The following CCDC170 variants were observed in gnomAD, a reference collection of about 807,000 sequenced individuals.
CCDC170 encodes the protein coiled-coil domain-containing protein 170.
In CCDC170, 69 loss-of-function variants were observed where a neutral mutation model predicts 72.6. The ratio of observed to expected loss-of-function variants is 0.95; its 90% CI spans 0.78 to 1.16. The LOEUF (loss-of-function observed/expected upper bound fraction) is 1.16, where lower values mean the gene tolerates loss of function less well. CCDC170 is among the 50% of genes most tolerant of loss of function. The pLI, the probability that CCDC170 is intolerant of heterozygous loss-of-function variation, is 0.00. For synonymous variants in CCDC170, 300 were observed against 303.9 expected (o/e 0.99, Z 0.13); for missense variants, 852 against 832.5 (o/e 1.02, Z -0.29).
rs1230499643 is a variant in CCDC170 at position 151,538,223 on chromosome 6, C to T, written c.365C>T (p.Thr122Ile). The T allele has an allele frequency of 1.9e-6, 3 of 1,613,724 alleles. No homozygotes were observed. The highest frequency in any genetic ancestry group is 1.7e-6 in the Non-Finnish European group (2 of 1,179,734). ...SAALSTSKIRTEITAHAAIKE... is the reference protein window; with the variant it reads ...SAALSTSKIRIEITAHAAIKE... The stretch of plus-strand genomic sequence containing the variant: ...GCACTTTCCACTTCTAAAATCAGAA[C>T]AGAAATCACAGCTCACGCTGCAATC... Residue 122 changes from threonine to isoleucine, a missense_variant, in exon 3 of 11, where the codon ACA (threonine) becomes ATA (isoleucine). Thr to Ile is a moderately conservative substitution (Grantham distance 89). Coordinates refer to ENST00000239374, the MANE Select transcript of CCDC170 (RefSeq NM_025059.4).
At chr6:151,565,399 G>A (rs531003939) in intron 5 of CCDC170, among the ~76,000 whole-genome samples, 269 of 152,264 alleles carry the variant, frequency 1.8e-3, no homozygotes, top group Middle Eastern at 3.4e-3. Context: ...GGGACTGGAG[G>A]AATCCATGAT....
At chr6:151,514,577 C>T (rs1036437920) in intron 1 of CCDC170, among the ~76,000 whole-genome samples, 1 of 152,042 alleles carries the variant, frequency 6.6e-6, no homozygotes, top group Non-Finnish European at 1.5e-5. Context: ...TTAATTTTTT[C>T]CATGTGACTG....
At chr6:151,508,984 C>A (rs1782103163) in intron 1 of CCDC170, among the ~76,000 whole-genome samples, 1 of 148,228 alleles carries the variant, frequency 6.7e-6, no homozygotes, top group African/African-American at 2.5e-5. Flanking sequence ...CATTGCACTC[C>A]AGCCTGGGCA....
intron 5 of CCDC170, among the ~76,000 whole-genome samples, chr6:151,552,965 T>A (rs1360246674): frequency 6.6e-6 from 1 of 151,704 alleles, no homozygotes; most frequent in East Asian, 1.9e-4. Flanking sequence ...TTTTTGTATT[T>A]TTAGTAGAGA....
intron 9 of CCDC170, among the ~76,000 whole-genome samples, chr6:151,604,058 A>G (rs1375510144): frequency 6.6e-6 from 1 of 152,202 alleles, no homozygotes; most frequent in East Asian, 1.9e-4. Flanking sequence ...CAGCAGTCAG[A>G]CAACCAAAAA....
At position 151,502,940 on chromosome 6, in the gene CCDC170, TG is replaced by T. The variant is rs1250713850; in HGVS notation, c.57+8758del. 5.3e-5 allele frequency among the ~76,000 whole-genome samples: 8 copies of T among 151,966 alleles called. 1 individual carries two copies. Reference sequence around the variant, plus strand: ...ATCCCAGCACTTTGGGAGGCTGAGGTGGGAGGATCACGAGGTCAAGAGATGG... The same window carrying T: ...ATCCCAGCACTTTGGGAGGCTGAGGTGGAGGATCACGAGGTCAAGAGATGG... On this transcript the variant is annotated intron_variant, in intron 1 of 10. Transcript: ENST00000239374.
chr6:151,509,221 T>C (rs779521299), intron 1 of CCDC170, among the ~76,000 whole-genome samples: 1 of 108,638 alleles, frequency 9.2e-6, no homozygotes, highest in African/African-American at 5.2e-5. Context: ...TATCTATCTA[T>C]GTATCTATCT....
chr6:151,501,272 G>A (rs1448101631), intron 1 of CCDC170, among the ~76,000 whole-genome samples: 1 of 151,786 alleles, frequency 6.6e-6, no homozygotes, highest in Non-Finnish European at 1.5e-5. Flanking sequence ...GGAGACTAAG[G>A]AAAAATGAAA....
chr6:151,548,375 C>T lies in CCDC170; in HGVS notation c.660C>T (p.Val220=), dbSNP rs1782811181. 3 of 1,612,648 alleles carry T rather than the reference C, an allele frequency of 1.9e-6. No homozygotes were observed. The East Asian group carries it at 6.7e-5, about 36-fold the overall frequency. ...QIVILEETIN[V]HEMEAKASRE... is the part of the protein sequence containing the mutation. ...TTATTCTTGAAGAGACTATAAATGTCCATGAGATGGAAGCAAAAGCTAGCA... is the reference window on the plus strand; with the variant it reads ...TTATTCTTGAAGAGACTATAAATGTTCATGAGATGGAAGCAAAAGCTAGCA... Residue 220 remains valine, a synonymous_variant, in exon 5 of 11, where the codon GTC becomes GTT. Transcript: ENST00000239374.
intron 2 of CCDC170, among the ~76,000 whole-genome samples, chr6:151,537,260 T>C (rs909113912): frequency 3.3e-5 from 5 of 152,198 alleles, no homozygotes; most frequent in African/African-American, 1.2e-4. Context: ...TATAGCCTGG[T>C]GGCCCCAAGG....
chr6:151,541,417 A>G (rs1212070686), intron 3 of CCDC170, among the ~76,000 whole-genome samples: 1 of 152,098 alleles, frequency 6.6e-6, no homozygotes, highest in Non-Finnish European at 1.5e-5. Context: ...GGATCTCACT[A>G]TCTTGTCCAG....
In CCDC170 at chr6:151,615,665, AAG is replaced by A; in HGVS notation, c.1939_1940del (p.Glu647LysfsTer25). On this transcript the variant is annotated frameshift_variant, in exon 10 of 11. Transcript: ENST00000239374. LOFTEE classifies it high-confidence loss of function. ...TLKKSLEEAE[K>X]REKQLADFRE... ...AAAAAAATCTCTGGAAGAAGCAGAA[AAG>A]AGAGAAAAGCAGGTGGGTCTAAATC... The A allele has an allele frequency of 6.2e-7, 1 of 1,612,830 alleles. No homozygotes were observed. The highest frequency in any genetic ancestry group is 8.5e-7 in the Non-Finnish European group (1 of 1,179,122).
chr6:151,617,408 C>CTTTTTTTTTTTTTT lies in CCDC170; in HGVS notation c.1948-507_1948-494dup, dbSNP rs745655791. Reference sequence around the variant, plus strand: ...AGCTTATACTTTCTTGCTGTTTGTTCTTTTTTTTTTTTTTTTTTTTTTTTT... The same window carrying CTTTTTTTTTTTTTT: ...AGCTTATACTTTCTTGCTGTTTGTTCTTTTTTTTTTTTTTTTTTTTTTTTTTTTTTTTTTTTTTT... On this transcript the variant is annotated intron_variant, in intron 10 of 10. Transcript: ENST00000239374. Among the ~76,000 whole-genome samples the CTTTTTTTTTTTTTT allele has an allele frequency of 1.4e-4, 13 of 91,466 alleles. 1 individual carries two copies. Among genetic ancestry groups the CTTTTTTTTTTTTTT allele is most frequent in the South Asian group, 4.1e-4 (1 of 2,456 alleles). 60.0% of individuals were successfully genotyped at this position (91,466 alleles called of 152,430 possible).
At chr6:151,564,943 C>T (rs545853659) in intron 5 of CCDC170, among the ~76,000 whole-genome samples, 9 of 152,090 alleles carry the variant, frequency 5.9e-5, no homozygotes, top group Non-Finnish European at 1.0e-4. Flanking sequence ...TGGGGCCCTG[C>T]TGCTGGAGAA....
chr6:151,514,588 G>T (rs548713932), intron 1 of CCDC170, among the ~76,000 whole-genome samples: 17 of 152,162 alleles, frequency 1.1e-4, no homozygotes, highest in Non-Finnish European at 1.5e-5. Flanking sequence ...CATGTGACTG[G>T]AGGTCAGGCT....
chr6:151,550,555 A>T (rs1782862063), intron 5 of CCDC170, among the ~76,000 whole-genome samples: 1 of 152,222 alleles, frequency 6.6e-6, no homozygotes, highest in Non-Finnish European at 1.5e-5. Context: ...CTGACACATT[A>T]ACTCTGTGGA....
Position 151,598,970 on chromosome 6 carries a change from A to G in CCDC170, c.1710+2393A>G, listed in dbSNP as rs1327318913. On this transcript the variant is annotated intron_variant, in intron 9 of 10. Coordinates refer to ENST00000239374, the MANE Select transcript of CCDC170 (RefSeq NM_025059.4). ...CTGACATCTTTGCTTATAAGGATAC[A>G]GGAGTACTACTTTGTTAGAGAGAAT... 2.6e-5 allele frequency among the ~76,000 whole-genome samples: 4 copies of G among 152,200 alleles called. No individual in the cohort carries two copies. The East Asian group carries it at 7.7e-4, about 29-fold the overall frequency.
chr6:151,557,228 G>A (rs1782994735), intron 5 of CCDC170, among the ~76,000 whole-genome samples: 1 of 152,002 alleles, frequency 6.6e-6, no homozygotes, highest in African/African-American at 2.4e-5. Context: ...CTAACACGGT[G>A]GAACCCCGTC....
intron 1 of CCDC170, among the ~76,000 whole-genome samples, chr6:151,506,576 T>C (rs930812392): frequency 6.6e-6 from 1 of 152,236 alleles, no homozygotes; most frequent in Admixed American, 6.5e-5. Flanking sequence ...GTTTATTCCT[T>C]CTCCAATCCT....
Sources: gnomAD v4.1 joint callset for allele counts (sites outside exome capture counted in the v4.1 genomes callset) on GRCh38, gnomAD v4.1.1 for gene constraint, MANE v1.5 for transcripts, NCBI Gene and HGNC (gene_info 2026-07-23, HGNC 2026-07-21) for gene names.